Variants in SMARCC1 observed in about 807,000 individuals in gnomAD.
SMARCC1 encodes SWI/SNF related BAF chromatin remodeling complex subunit C1.
A neutral mutation model predicts 147.4 loss-of-function variants in SMARCC1; 43 were observed. The ratio of observed to expected loss-of-function variants is 0.29; its 90% CI spans 0.23 to 0.38. The LOEUF is 0.38. Among genes scored for constraint, SMARCC1 ranks in the 10% least tolerant of loss-of-function variants. SMARCC1 has a pLI of 1.00. For synonymous variants in SMARCC1, 495 were observed against 484.4 expected (o/e 1.02, Z -0.29); for missense variants, 1,119 against 1,381.1 (o/e 0.81, Z 3.01).
chr3:47,688,381 C>T (rs1239325657), intron 13 of SMARCC1, among the ~76,000 whole-genome samples: 1 of 150,464 alleles, frequency 6.6e-6, no homozygotes, highest in Admixed American at 6.6e-5. Context: ...AATACTTTTC[C>T]GGAAATCCTG....
At position 47,724,414 on chromosome 3, in the gene SMARCC1, T is replaced by G. The variant is rs2034273775; in HGVS notation, c.647-3679A>C. ...ACTAAATGATTCCACTTATATTAGG[T>G]TATCTAGAGTAGTCGAACTCTTAGA... is the stretch of plus-strand genomic sequence containing the variant. On this transcript the variant is annotated intron_variant, in intron 6 of 27. Coordinates refer to ENST00000254480, the MANE Select transcript of SMARCC1 (RefSeq NM_003074.4). Among the ~76,000 whole-genome samples the G allele has an allele frequency of 3.3e-5, 5 of 152,362 alleles. No homozygotes were observed. The South Asian group carries it at 1.0e-3, about 32-fold the overall frequency.
chr3:47,631,787 G>A (rs1188279391), intron 24 of SMARCC1, among the ~76,000 whole-genome samples: 1 of 152,084 alleles, frequency 6.6e-6, no homozygotes, highest in Non-Finnish European at 1.5e-5. Context: ...AAGAAAATGA[G>A]AATAAGAGAA....
intron 21 of SMARCC1, among the ~76,000 whole-genome samples, chr3:47,643,834 C>A (rs2033083096): frequency 1.3e-5 from 2 of 152,032 alleles, no homozygotes; most frequent in Non-Finnish European, 2.9e-5. Flanking sequence ...TTAAGACACA[C>A]TATAATACAA....
intron 5 of SMARCC1, among the ~76,000 whole-genome samples, chr3:47,732,503 C>G (rs759496770): frequency 6.6e-6 from 1 of 152,190 alleles, no homozygotes; most frequent in Non-Finnish European, 1.5e-5. Flanking sequence ...TTTTGTCATG[C>G]CTTCCTCACT....
intron 9 of SMARCC1, among the ~76,000 whole-genome samples, chr3:47,708,948 T>C (rs2034050906): frequency 6.6e-6 from 1 of 152,190 alleles, no homozygotes; most frequent in Admixed American, 6.5e-5. Context: ...TCATTTAATA[T>C]TTTTGTTTCC....
intron 7 of SMARCC1, among the ~76,000 whole-genome samples, chr3:47,715,388 C>T (rs577611355): frequency 1.3e-5 from 2 of 152,282 alleles, no homozygotes; most frequent in African/African-American, 4.8e-5. Context: ...CAACTTTATC[C>T]TTCCTGCTGT....
At chr3:47,672,284 G>A (rs1343806771) in intron 18 of SMARCC1, among the ~76,000 whole-genome samples, 1 of 151,562 alleles carries the variant, frequency 6.6e-6, no homozygotes, top group African/African-American at 2.4e-5. Flanking sequence ...GCACGATCTT[G>A]GCTCACCGCA....
rs766032777 is a variant in SMARCC1, at chr3:47,706,431, G to A, written c.1018C>T (p.Arg340Trp). The change falls in exon 10 of 28, where the codon CGG (arginine) becomes TGG (tryptophan). Residue 340 changes from arginine to tryptophan, a missense_variant. Arg to Trp is a moderately radical substitution (Grantham distance 101, BLOSUM62 -3). Coordinates refer to ENST00000254480, the MANE Select transcript of SMARCC1 (RefSeq NM_003074.4). ...SPPPPTPTES[R>W]KKSGKKGQAS... is the part of the protein sequence containing the mutation. ...TACCCTTTCTTCCCACTCTTCTTCC[G>A]TGATTCTGTTGGTGTCGGAGGGGGA... The A allele has an allele frequency of 9.5e-6, 15 of 1,574,778 alleles. No individual in the cohort carries two copies. Among genetic ancestry groups the A allele is most frequent in the African/African-American group, 2.8e-5 (2 of 71,992 alleles).
chr3:47,636,099 T>G lies in SMARCC1; in HGVS notation c.2414A>C (p.Asp805Ala). Residue 805 changes from aspartate (D) to alanine (A), a missense_variant, in exon 23 of 28, where the codon GAT (aspartate) becomes GCT (alanine). By Grantham distance (126) the Asp-to-Ala change is moderately radical (BLOSUM62 -2). Coordinates refer to ENST00000254480, the MANE Select transcript of SMARCC1 (RefSeq NM_003074.4). ...NKVENETDEG[D>A]KAQDGENEKN... is the part of the protein sequence containing the mutation. ...TTCATTTTCTCCATCTTGTGCTTTA[T>G]CACCTTCATCCGTTTCATTTTCCAC... is the stretch of plus-strand genomic sequence containing the variant. 6.2e-7 allele frequency: 1 copy of G among 1,609,210 alleles called. No homozygotes were observed. Among genetic ancestry groups the G allele is most frequent in the Non-Finnish European group, 8.5e-7 (1 of 1,176,298 alleles).
chr3:47,603,596 C>T (rs1014018230), intron 26 of SMARCC1: 4 of 188,582 alleles, frequency 2.1e-5, no homozygotes, highest in African/African-American at 7.2e-5. Context: ...GGGAATACCA[C>T]ACATGTGCTT....
At chr3:47,630,352 A>G (rs2032870144) in intron 24 of SMARCC1, among the ~76,000 whole-genome samples, 1 of 152,224 alleles carries the variant, frequency 6.6e-6, no homozygotes, top group Non-Finnish European at 1.5e-5. Context: ...AAACTCAGGC[A>G]GTAATGCTTG....
intron 11 of SMARCC1, among the ~76,000 whole-genome samples, chr3:47,699,072 G>A (rs917044760): frequency 1.3e-5 from 2 of 151,978 alleles, no homozygotes; most frequent in African/African-American, 4.8e-5. Context: ...AAAGCAGAAG[G>A]CATAAGCTTT....
chr3:47,586,118 C>T lies in SMARCC1; in HGVS notation c.*2091G>A, dbSNP rs1159210110. 2.6e-5 allele frequency: 4 copies of T among 152,540 alleles called. No individual in the cohort carries two copies. The highest frequency in any genetic ancestry group is 9.6e-5 in the African/African-American group (4 of 41,532). The allele number at this position is 152,540 out of a possible 1,614,324, so 9.4% of individuals were successfully genotyped here. A position where few individuals can be genotyped will look rare whatever the true frequency, so the allele number is the denominator to read the frequency against. ...CAAAGACATGAAAAGAAAAAGCCAC[C>T]ACTTATACTGAAATATAACAGTGTT... On this transcript the variant is annotated 3_prime_UTR_variant, in exon 28 of 28. Coordinates refer to ENST00000254480, the MANE Select transcript of SMARCC1 (RefSeq NM_003074.4).
chr3:47,623,134 CTTTTTTTTTTTTT>C (rs763911271), intron 24 of SMARCC1, among the ~76,000 whole-genome samples: 1 of 67,474 alleles, frequency 1.5e-5, no homozygotes, highest in African/African-American at 6.1e-5. Flanking sequence ...CTACACAAGG[CTTTTTTTTTTTTT>C]TTTTTTTTTA....
At chr3:47,662,833 G>A (rs1309830726) in intron 19 of SMARCC1, among the ~76,000 whole-genome samples, 4 of 151,798 alleles carry the variant, frequency 2.6e-5, no homozygotes, top group Admixed American at 1.3e-4. Context: ...AGCACTTTGG[G>A]AGGCAGAGGT....
At chr3:47,619,379 CA>C (rs1300534588) in intron 25 of SMARCC1, among the ~76,000 whole-genome samples, 1 of 152,228 alleles carries the variant, frequency 6.6e-6, no homozygotes, top group Non-Finnish European at 1.5e-5. Context: ...TCCCTGCCCT[CA>C]AAAAGTATAT....
intron 22 of SMARCC1, among the ~76,000 whole-genome samples, chr3:47,638,112 A>T (rs1348767639): frequency 3.3e-5 from 5 of 152,124 alleles, no homozygotes; most frequent in African/African-American, 1.2e-4. Context: ...TGTTGTTGAG[A>T]CAGAGTCTCG....
intron 5 of SMARCC1, among the ~76,000 whole-genome samples, chr3:47,729,678 G>A (rs1056483881): frequency 3.3e-5 from 5 of 152,164 alleles, no homozygotes; most frequent in African/African-American, 1.2e-4. Context: ...GAGCCACTGT[G>A]TTCAGTCAGG....
chr3:47,654,732 C>T (rs2033237772), intron 21 of SMARCC1, among the ~76,000 whole-genome samples: 1 of 152,118 alleles, frequency 6.6e-6, no homozygotes, highest in South Asian at 2.1e-4. Context: ...TGAGGAGGGT[C>T]CTGAAATTAT....
Sources: gnomAD v4.1 joint callset for allele counts (sites outside exome capture counted in the v4.1 genomes callset) on GRCh38, gnomAD v4.1.1 for gene constraint, MANE v1.5 for transcripts, NCBI Gene and HGNC (gene_info 2026-07-23, HGNC 2026-07-21) for gene names.